KRT34: variants seen among roughly 807,000 people sequenced by gnomAD.
The protein encoded by KRT34 is keratin, type I cuticular Ha4.
KRT34 carries 31 observed loss-of-function variants against 41.7 expected under a neutral mutation model. The observed-to-expected ratio is 0.74, with a 90% CI of 0.56 to 1.00. The LOEUF (loss-of-function observed/expected upper bound fraction) is 1.00, where lower values mean the gene tolerates loss of function less well. KRT34 is among the 50% of genes least tolerant of loss of function. The pLI is 0.00. For synonymous variants in KRT34, 224 were observed against 212.9 expected, an observed-to-expected ratio of 1.05 and a Z score of -0.45; for missense variants, 523 against 500.3, an observed-to-expected ratio of 1.05 and a Z score of -0.43.
upstream of KRT34, among the ~76,000 whole-genome samples, chr17:41,383,164 G>A (rs1036556982): frequency 5.9e-5 from 9 of 152,102 alleles, no homozygotes; most frequent in African/African-American, 1.9e-4. Context: ...GATTACAGGT[G>A]CCCGCCACCA....
In KRT34 at chr17:41,381,153, C is replaced by T; in HGVS notation, c.491G>A (p.Arg164Lys). 6.2e-7 allele frequency: 1 copy of T among 1,614,156 alleles called. No individual in the cohort carries two copies. Among genetic ancestry groups the T allele is most frequent in the Non-Finnish European group, 8.5e-7 (1 of 1,180,018 alleles). The stretch of plus-strand genomic sequence containing the variant: ...GCAGAGGGTCAGCTCATCCAGGATC[C>T]TGCGTATGCTGTTGATGTCCGACTC... ...LVESDINSIR[R>K]ILDELTLCKS... Residue 164 changes from arginine to lysine, a missense_variant, in exon 3 of 7, where the codon AGG becomes AAG. Physicochemically the swap from Arg to Lys is conservative, Grantham distance 26. Coordinates refer to ENST00000394001, the MANE Select transcript of KRT34 (RefSeq NM_001386014.1).
chr17:41,382,383 C>A (rs1323317191), upstream of KRT34: 1 of 1,595,030 alleles, frequency 6.3e-7, no homozygotes, highest in Non-Finnish European at 8.6e-7. Context: ...AGTTTCCTTT[C>A]CTAATGCTTC....
In KRT34 at chr17:41,378,123, G is replaced by T; in HGVS notation, c.1121C>A (p.Thr374Asn). ...DCKLPCNPCATTNASGNSCGP... is the reference protein window; with the variant it reads ...DCKLPCNPCANTNASGNSCGP... Reference sequence around the variant, plus strand: ...ACAGGAGTTGCCACTAGCATTGGTGGTGGCGCATGGGTTGCAGGGGAGCCT... The same window carrying T: ...ACAGGAGTTGCCACTAGCATTGGTGTTGGCGCATGGGTTGCAGGGGAGCCT... Residue 374 changes from threonine (T) to asparagine (N), a missense_variant, in exon 7 of 7, where the codon ACC becomes AAC. Coordinates refer to ENST00000394001, the MANE Select transcript of KRT34 (RefSeq NM_001386014.1). 2 of 1,614,002 alleles carry T rather than the reference G, an allele frequency of 1.2e-6. No homozygotes were observed. The highest frequency in any genetic ancestry group is 8.5e-7 in the Non-Finnish European group (1 of 1,179,928).
At chr17:41,380,885 A>T (rs1436634893) in intron 3 of KRT34, among the ~76,000 whole-genome samples, 171 bp downstream of exon 3, 1 of 152,140 alleles carries the variant, frequency 6.6e-6, no homozygotes, top group African/African-American at 2.4e-5. Context: ...CCGCTGAAGA[A>T]TGAGCAGCTC....
chr17:41,382,188 G>A lies in KRT34; in HGVS notation c.59C>T (p.Pro20Leu), dbSNP rs2018006152. The A allele has an allele frequency of 3.1e-6, 5 of 1,612,422 alleles. No homozygotes were observed. The highest frequency in any genetic ancestry group is 4.2e-6 in the Non-Finnish European group (5 of 1,180,026). The change falls in exon 1 of 7, where the codon CCC (proline) becomes CTC (leucine). Residue 20 changes from proline to leucine, a missense_variant. Coordinates refer to ENST00000394001, the MANE Select transcript of KRT34 (RefSeq NM_001386014.1). ...GCCGTGGCAGCTGGGGGGCACGCAG[G>A]GCCGGGAGGAGCAGCTGGTGCGGCA... ...LGCRTSCSSR[P>L]CVPPSCHGYT...
rs2017903682 is a variant in KRT34 at position 41,378,843 on chromosome 17, T to C, written c.1097+113A>G. 5 of 1,410,848 alleles carry C rather than the reference T, an allele frequency of 3.5e-6. No homozygotes were observed. The South Asian group carries it at 3.8e-5, about 11-fold the overall frequency. 87.4% of individuals were successfully genotyped at this position (1,410,848 alleles called of 1,614,324 possible). ...TAGCTATCACAGATCACTGGACACA[T>C]GCTACACAGTTAATGTGTGTTGCCT... On this transcript the variant is annotated intron_variant, in intron 6 of 6. Coordinates refer to ENST00000394001, the MANE Select transcript of KRT34 (RefSeq NM_001386014.1).
rs1402398369 is a variant in KRT34 at position 41,377,971 on chromosome 17, T to C, written c.*88A>G. The C allele has an allele frequency of 4.3e-6, 4 of 931,918 alleles. No individual in the cohort carries two copies. Among genetic ancestry groups the C allele is most frequent in the African/African-American group, 1.6e-5 (1 of 62,866 alleles). The allele number at this position is 931,918 out of a possible 1,614,324, so 57.7% of individuals were successfully genotyped here. ...CAAGATGAGGTTTCTTGATGTCAGCTGAGCTCCAGAAAAGTCAGGACTTGA... is the reference window on the plus strand; with the variant it reads ...CAAGATGAGGTTTCTTGATGTCAGCCGAGCTCCAGAAAAGTCAGGACTTGA... On this transcript the variant is annotated 3_prime_UTR_variant, in exon 7 of 7. Coordinates refer to ENST00000394001, the MANE Select transcript of KRT34 (RefSeq NM_001386014.1).
chr17:41,379,495 G>A lies in KRT34; in HGVS notation c.751-17C>T, dbSNP rs1474644554. The stretch of plus-strand genomic sequence containing the variant: ...CTCCTCGGTCTGAAACACCCAAGTG[G>A]GGAAAGGATCAGACCCTGTCTCCAG... On this transcript the variant is annotated splice_polypyrimidine_tract_variant and intron_variant, in intron 4 of 6. Coordinates refer to ENST00000394001, the MANE Select transcript of KRT34 (RefSeq NM_001386014.1). 1 of 1,614,248 alleles carries A rather than the reference G, an allele frequency of 6.2e-7. No homozygotes were observed.
At position 41,379,060 on chromosome 17, in the gene KRT34, G is replaced by T. The variant is rs568335050; in HGVS notation, c.993C>A (p.Asp331Glu). 608 of 1,614,194 alleles carry T rather than the reference G, an allele frequency of 3.8e-4. 7 individuals are homozygous for T. In the South Asian group the frequency reaches 6.4e-3, roughly 17 times the overall value. The change falls in exon 6 of 7, where the codon GAC becomes GAA. Residue 331 changes from aspartate to glutamate, a missense_variant. Physicochemically the swap from Asp to Glu is conservative, Grantham distance 45. Transcript: ENST00000394001. Reference protein sequence around the residue: ...VESQLAEIRCDLERQNQEYQV... With the variant: ...VESQLAEIRCELERQNQEYQV... ...GGTACTCCTGGTTCTGCCGCTCCAG[G>T]TCACAGCGGATCTCTGCCAGCTGAG...
rs1258555475 is a variant in KRT34 at position 41,379,639 on chromosome 17, C to A, written c.681G>T (p.Glu227Asp). ...PTVDLNQVLN[E>D]TRSQYEALVE... ...CCAGAGCCTCATACTGACTCCTGGT[C>A]TCGTTCAGGACCTGGTTCAGGTCCA... The change falls in exon 4 of 7, where the codon GAG becomes GAT. Residue 227 changes from glutamate to aspartate, a missense_variant. Transcript: ENST00000394001. 1.2e-6 allele frequency: 2 copies of A among 1,614,160 alleles called. No individual in the cohort carries two copies. The highest frequency in any genetic ancestry group is 1.7e-5 in the Admixed American group (1 of 60,026).
Position 41,378,070 on chromosome 17 carries a change from A to G in KRT34, c.1174T>C (p.Cys392Arg), listed in dbSNP as rs2017877309. The G allele has an allele frequency of 6.2e-7, 1 of 1,612,716 alleles. No homozygotes were observed. The highest frequency in any genetic ancestry group is 1.3e-5 in the African/African-American group (1 of 75,008). The change falls in exon 7 of 7, where the codon TGC (cysteine) becomes CGC (arginine). Residue 392 changes from cysteine (C) to arginine (R), a missense_variant. Physicochemically the swap from Cys to Arg is radical, Grantham distance 180 (BLOSUM62 -3). Transcript: ENST00000394001. ...AGGATACAAGCTTTTCAATTACAGC[A>G]ACCCTTTTGAGAGGTGCCACAGGGT... ...CGPCGTSQKG[C>R]CN
chr17:41,378,087 C>T lies in KRT34; in HGVS notation c.1157G>A (p.Gly386Asp). ...NASGNSCGPCGTSQKGCCN is the reference protein window; with the variant it reads ...NASGNSCGPCDTSQKGCCN ...ATTACAGCAACCCTTTTGAGAGGTG[C>T]CACAGGGTCCACAGGAGTTGCCACT... The change falls in exon 7 of 7, where the codon GGC becomes GAC. Residue 386 changes from glycine (G) to aspartate (D), a missense_variant. Gly to Asp is a moderately conservative substitution (Grantham distance 94). Transcript: ENST00000394001. 4.3e-6 allele frequency: 7 copies of T among 1,613,874 alleles called. No homozygotes were observed. The highest frequency in any genetic ancestry group is 5.9e-6 in the Non-Finnish European group (7 of 1,179,864).
Position 41,377,699 on chromosome 17 carries a change from G to A in KRT34, c.*360C>T, listed in dbSNP as rs1325146273. 3 of 240,594 alleles carry A rather than the reference G, an allele frequency of 1.2e-5. No homozygotes were observed. Among genetic ancestry groups the A allele is most frequent in the African/African-American group, 2.2e-5 (1 of 45,864 alleles). 14.9% of individuals were successfully genotyped at this position (240,594 alleles called of 1,614,324 possible). A position where few individuals can be genotyped will look rare whatever the true frequency, so the allele number is the denominator to read the frequency against. ...CCAGAGAAATGAAGTTTATTGGGAA[G>A]TAAATGAAGTCTCCTCCTTGCATTC... On this transcript the variant is annotated 3_prime_UTR_variant, in exon 7 of 7. Coordinates refer to ENST00000394001, the MANE Select transcript of KRT34 (RefSeq NM_001386014.1).
At chr17:41,380,154 G>A (rs566911600) in intron 3 of KRT34, among the ~76,000 whole-genome samples, 34 of 152,214 alleles carry the variant, frequency 2.2e-4, no homozygotes, top group Middle Eastern at 6.8e-3. Flanking sequence ...AGCTACTCAG[G>A]AGGCTGAGGC....
rs2018008714 is a variant in KRT34, at chr17:41,382,233, CA to C, written c.13del (p.Cys5ValfsTer37). MSYSCCLPSLGCRTS... is the reference protein window; with the variant it reads MSYSXCLPSLGCRTS... ...GCGGCAGCCCAGGCTGGGCAGGCAACAACTGTAAGACATGGTGCTGGAACAG... is the reference window on the plus strand; with the variant it reads ...GCGGCAGCCCAGGCTGGGCAGGCAACACTGTAAGACATGGTGCTGGAACAG... On this transcript the variant is annotated frameshift_variant, in exon 1 of 7. Transcript: ENST00000394001. LOFTEE classifies it high-confidence loss of function. 2 of 1,612,508 alleles carry C rather than the reference CA, an allele frequency of 1.2e-6. No individual in the cohort carries two copies. The highest frequency in any genetic ancestry group is 1.7e-6 in the Non-Finnish European group (2 of 1,180,034).
chr17:41,381,978 T>A lies in KRT34; in HGVS notation c.269A>T (p.Glu90Val), dbSNP rs375355411. 6.2e-7 allele frequency: 1 copy of A among 1,614,286 alleles called. No individual in the cohort carries two copies. Residue 90 changes from glutamate to valine, a missense_variant, in exon 1 of 7, where the codon GAG becomes GTG. Transcript: ENST00000394001. ...DNAELEKLIQ[E>V]RSQQQEPLLC... ...CAAGGGCTCCTGCTGCTGGGACCGC[T>A]CCTGGATGAGTTTCTCCAGCTCCGC...
In KRT34 at chr17:41,382,176, G is replaced by T. The variant is rs142563346; in HGVS notation, c.71C>A (p.Pro24His). 6.8e-5 allele frequency: 109 copies of T among 1,612,390 alleles called. No homozygotes were observed. Among genetic ancestry groups the T allele is most frequent in the Non-Finnish European group, 8.8e-5 (104 of 1,180,034 alleles). The change falls in exon 1 of 7, where the codon CCC becomes CAC. Residue 24 changes from proline to histidine, a missense_variant. By Grantham distance (77) the Pro-to-His change is moderately conservative (BLOSUM62 -2). Coordinates refer to ENST00000394001, the MANE Select transcript of KRT34 (RefSeq NM_001386014.1). ...TSCSSRPCVP[P>H]SCHGYTLPGA... The stretch of plus-strand genomic sequence containing the variant: ...AGGCAGGGTGTAGCCGTGGCAGCTG[G>T]GGGGCACGCAGGGCCGGGAGGAGCA...
intron 3 of KRT34, 50 bp downstream of exon 3, chr17:41,381,006 A>G: frequency 6.4e-7 from 1 of 1,561,540 alleles, no homozygotes; most frequent in African/African-American, 1.3e-5. Flanking sequence ...CCTGATTCCC[A>G]GTGCTAGTAG....
rs1043572213 is a variant in KRT34 at position 41,379,117 on chromosome 17, G to C, written c.936C>G (p.Ser312=). ...CGTTGGTGATCAGGCTCTGCACCTG[G>C]GACAGCTGGGAGCTGTAGTGGGCCT... ...ESEAHYSSQL[S]QVQSLITNVE... is the part of the protein sequence containing the mutation. The change falls in exon 6 of 7, where the codon TCC becomes TCG. Residue 312 remains serine, a synonymous_variant. Transcript: ENST00000394001. 1 of 1,614,090 alleles carries C rather than the reference G, an allele frequency of 6.2e-7. No individual in the cohort carries two copies. The highest frequency in any genetic ancestry group is 8.5e-7 in the Non-Finnish European group (1 of 1,180,054).
Sources: allele counts gnomAD v4.1 joint callset (sites outside exome capture counted in the v4.1 genomes callset), GRCh38; gene constraint gnomAD v4.1.1; transcripts MANE v1.5; gene names NCBI Gene and HGNC (gene_info 2026-07-23, HGNC 2026-07-21).